The following COL4A2 variants were observed in gnomAD, a reference collection of about 807,000 sequenced individuals.
The protein encoded by COL4A2 is collagen type IV alpha 2 chain, also known as collagen alpha-2(IV) chain.
COL4A2 carries 99 observed loss-of-function variants against 200.2 expected under a neutral mutation model. The observed-to-expected ratio is 0.49, with a 90% confidence interval of 0.42 to 0.58. The LOEUF (loss-of-function observed/expected upper bound fraction) is 0.58. Ranked by LOEUF, COL4A2 falls within the 20% of genes least tolerant of loss-of-function variation. The pLI, the probability that COL4A2 is intolerant of heterozygous loss-of-function variation, is 0.00. For missense variants in COL4A2, 1,950 were observed against 2,314.1 expected (o/e 0.84, Z 3.23); for synonymous variants, 897 against 900.6 (o/e 1.00, Z 0.07).
At chr13:110,486,597 T>C (rs1883125351) in intron 34 of COL4A2, among the ~76,000 whole-genome samples, 1 of 152,196 alleles carries the variant, frequency 6.6e-6, no homozygotes, top group Non-Finnish European at 1.5e-5. Flanking sequence ...TTGATGTGTT[T>C]CAGTCGCGTC....
Position 110,327,858 on chromosome 13 carries a change from C to G in COL4A2, c.99+19735C>G, listed in dbSNP as rs1875699428. Among the ~76,000 whole-genome samples, 3 of 152,238 alleles carry G rather than the reference C, an allele frequency of 2.0e-5. No homozygotes were observed. The South Asian group carries it at 6.2e-4, about 31-fold the overall frequency. On this transcript the variant is annotated intron_variant, in intron 3 of 47. Transcript: ENST00000360467. ...CTTAACGCTTGAAGCAAAGTTGTGACTGTAAACAGCTTTGCAACTCTTCGG... is the reference window on the plus strand; with the variant it reads ...CTTAACGCTTGAAGCAAAGTTGTGAGTGTAAACAGCTTTGCAACTCTTCGG...
rs924547916 is a variant in COL4A2 at position 110,307,348 on chromosome 13, C to T, written c.-225C>T. ...CTCCGCACTCAAGAGGCTCCCGCGTCCCAACCCCTCGCGCCCGCGCGTTCG... is the reference window on the plus strand; with the variant it reads ...CTCCGCACTCAAGAGGCTCCCGCGTTCCAACCCCTCGCGCCCGCGCGTTCG... On this transcript the variant is annotated 5_prime_UTR_variant, in exon 1 of 48. Coordinates refer to ENST00000360467, the MANE Select transcript of COL4A2 (RefSeq NM_001846.4). This position sits in a 1 kb window ranked among gnomAD's most constrained non-coding sequence, Gnocchi z 5.0. 8 of 282,702 alleles carry T rather than the reference C, an allele frequency of 2.8e-5. No individual in the cohort carries two copies. The highest frequency in any genetic ancestry group is 5.2e-5 in the Non-Finnish European group (8 of 152,984). The allele number at this position is 282,702 out of a possible 1,614,324, so 17.5% of individuals were successfully genotyped here.
At chr13:110,308,802 T>C (rs1884888312) in intron 3 of COL4A2, among the ~76,000 whole-genome samples, 1 of 152,162 alleles carries the variant, frequency 6.6e-6, no homozygotes, top group Non-Finnish European at 1.5e-5. Flanking sequence ...CTGCGAGGCT[T>C]TGTCCATTTT....
chr13:110,463,418 C>G (rs569868102), intron 24 of COL4A2: 1 of 152,216 alleles, frequency 6.6e-6, no homozygotes, highest in Non-Finnish European at 1.5e-5. Context: ...TGTCTAGGTC[C>G]TGGGGGTTAA....
At chr13:110,372,539 T>C (rs958621902) in intron 4 of COL4A2, among the ~76,000 whole-genome samples, 4 of 152,246 alleles carry the variant, frequency 2.6e-5, no homozygotes, top group African/African-American at 7.2e-5. Flanking sequence ...ACTCTTTGTG[T>C]ATCATTGCCT....
intron 22 of COL4A2, 99 bp downstream of exon 22, chr13:110,459,033 C>G: frequency 8.0e-7 from 1 of 1,249,050 alleles, no homozygotes; most frequent in Non-Finnish European, 1.1e-6. Context: ...CAGCTTCAGA[C>G]CGGCAACACT....
chr13:110,437,579 T>G (rs1880940351), intron 13 of COL4A2, among the ~76,000 whole-genome samples: 2 of 152,356 alleles, frequency 1.3e-5, no homozygotes, highest in Non-Finnish European at 2.9e-5. Flanking sequence ...CCACTTTTGC[T>G]TCAAGTTTCA....
chr13:110,419,718 G>T (rs1467111216), intron 4 of COL4A2, among the ~76,000 whole-genome samples: 1 of 152,208 alleles, frequency 6.6e-6, no homozygotes, highest in Non-Finnish European at 1.5e-5. Flanking sequence ...TGGCCCATGT[G>T]CGCACCAGCC....
At position 110,489,716 on chromosome 13, in the gene COL4A2, A is replaced by G. The variant is rs752903694; in HGVS notation, c.3277A>G (p.Ile1093Val). 1.6e-5 allele frequency: 26 copies of G among 1,614,116 alleles called. No individual in the cohort carries two copies. The African/African-American group carries it at 1.7e-4, about 11-fold the overall frequency. The change falls in exon 36 of 48, where the codon ATC (isoleucine) becomes GTC (valine). Residue 1093 changes from isoleucine to valine, a missense_variant. Around this residue, in one of 2 missense-constraint regions of COL4A2, gnomAD observed 1,385 missense variants for 1,720.5 expected, o/e 0.80. Transcript: ENST00000360467. The stretch of plus-strand genomic sequence containing the variant: ...GTCTTTTTTGCATGTAACAGGTGAC[A>G]TCGGGGACACTATAAATTTACCAGG... The part of the protein sequence containing the change: ...EIGATGDFGD[I>V]GDTINLPGRP...
rs1222391002 is a variant in COL4A2, at chr13:110,493,226, G to A, written c.3578G>A (p.Arg1193His). The A allele has an allele frequency of 1.5e-5, 24 of 1,614,136 alleles. No individual in the cohort carries two copies. Among genetic ancestry groups the A allele is most frequent in the African/African-American group, 6.7e-5 (5 of 75,050 alleles). The change falls in exon 39 of 48, where the codon CGT (arginine) becomes CAT (histidine). Residue 1193 changes from arginine to histidine, a missense_variant. Transcript: ENST00000360467. Reference protein sequence around the residue: ...APGLPGFPGLRGIRGLHGLPG... With the variant: ...APGLPGFPGLHGIRGLHGLPG... ...ACCCCCGCAGGTTTTCCGGGACTCCGTGGGATCCGCGGCTTACACGGCTTG... is the reference window on the plus strand; with the variant it reads ...ACCCCCGCAGGTTTTCCGGGACTCCATGGGATCCGCGGCTTACACGGCTTG...
At chr13:110,484,345 T>G (rs1399239942) in intron 32 of COL4A2, among the ~76,000 whole-genome samples, 2 of 152,136 alleles carry the variant, frequency 1.3e-5, no homozygotes, top group Non-Finnish European at 2.9e-5. Flanking sequence ...ACTCCTCCAG[T>G]GAGCATGGAT....
At chr13:110,363,709 G>C (rs1026405280) in intron 4 of COL4A2, among the ~76,000 whole-genome samples, 8 of 152,188 alleles carry the variant, frequency 5.3e-5, no homozygotes, top group Non-Finnish European at 1.2e-4. Flanking sequence ...CTTGCCAAAG[G>C]CATCTTCTAT....
At chr13:110,453,223 A>G (rs1881609283) in intron 20 of COL4A2, among the ~76,000 whole-genome samples, 1 of 152,158 alleles carries the variant, frequency 6.6e-6, no homozygotes, top group Non-Finnish European at 1.5e-5. Flanking sequence ...TTTAACGGCC[A>G]GGCATGGTGG....
intron 4 of COL4A2, among the ~76,000 whole-genome samples, chr13:110,378,834 G>C (rs1287707965): frequency 2.0e-5 from 3 of 152,128 alleles, no homozygotes; most frequent in Non-Finnish European, 4.4e-5. Flanking sequence ...CGGTCCCGCG[G>C]TGTATTTCCT....
chr13:110,430,768 A>C (rs1469527264), intron 10 of COL4A2, 161 bp downstream of exon 10: 1 of 993,350 alleles, frequency 1.0e-6, no homozygotes, highest in South Asian at 1.3e-5. Context: ...CATTCCTTGC[A>C]CACTTTGCTG....
At chr13:110,472,213 T>G (rs1882499330) in intron 28 of COL4A2, among the ~76,000 whole-genome samples, 1 of 151,726 alleles carries the variant, frequency 6.6e-6, no homozygotes, top group Non-Finnish European at 1.5e-5. Flanking sequence ...CCTCCCGGGT[T>G]CACGCCATTC....
chr13:110,470,281 G>T (rs113948559), intron 28 of COL4A2, among the ~76,000 whole-genome samples: 1 of 152,136 alleles, frequency 6.6e-6, no homozygotes, highest in East Asian at 1.9e-4. Flanking sequence ...CTTTCCACCC[G>T]AGATGAAACA....
chr13:110,326,393 A>G (rs1175757878), intron 3 of COL4A2, among the ~76,000 whole-genome samples: 1 of 151,862 alleles, frequency 6.6e-6, no homozygotes, highest in Non-Finnish European at 1.5e-5. Flanking sequence ...GTGCACCTAA[A>G]CCTCAGCCTC....
At chr13:110,465,672 G>A (rs772092941) in intron 25 of COL4A2, 66 bp downstream of exon 25, 2 of 1,390,926 alleles carry the variant, frequency 1.4e-6, no homozygotes, top group Non-Finnish European at 2.0e-6. Flanking sequence ...CTTTGTCAGT[G>A]TAGACGTTTC....
Sources: gnomAD v4.1 joint callset for allele counts (sites outside exome capture counted in the v4.1 genomes callset) on GRCh38, gnomAD v4.1.1 for gene constraint, gnomAD v4.1.1 regional missense constraint, Gnocchi (gnomAD v3.1) non-coding constraint, MANE v1.5 for transcripts, NCBI Gene and HGNC (gene_info 2026-07-23, HGNC 2026-07-21) for gene names.